PCDHA1: variants seen among roughly 807,000 people sequenced by gnomAD.
PCDHA1 encodes the protein protocadherin alpha 1, also known as protocadherin alpha-1.
Under a neutral mutation model 61.3 loss-of-function variants are expected in PCDHA1, and 42 were observed. That is an observed-to-expected ratio of 0.69 (90% CI 0.54 to 0.89). The LOEUF is 0.89. Ranked by LOEUF, PCDHA1 falls within the 40% of genes least tolerant of loss-of-function variation. PCDHA1 has a pLI of 0.00. For missense variants in PCDHA1, 1,256 were observed against 1,235.3 expected (o/e 1.02, Z -0.25); for synonymous variants, 610 against 553.8 (o/e 1.10, Z -1.43).
chr5:140,941,256 T>TTTC (rs2092982969), intron 1 of PCDHA1, among the ~76,000 whole-genome samples: 1 of 45,974 alleles, frequency 2.2e-5, no homozygotes, highest in African/African-American at 7.5e-5. Flanking sequence ...TCTTTCTTTC[T>TTTC]CTTTCTTTCT....
intron 1 of PCDHA1, among the ~76,000 whole-genome samples, chr5:140,880,837 A>G (rs2058501881): frequency 1.3e-5 from 2 of 152,230 alleles, no homozygotes; most frequent in African/African-American, 4.8e-5. Flanking sequence ...CATATTTTAA[A>G]TGGTTGACTA....
intron 1 of PCDHA1, among the ~76,000 whole-genome samples, chr5:140,879,977 C>T (rs1285167233): frequency 6.6e-6 from 1 of 152,174 alleles, no homozygotes; most frequent in African/African-American, 2.4e-5. Flanking sequence ...AAACTCCTTT[C>T]AAGATCCTTA....
At chr5:140,927,964 G>A in intron 1 of PCDHA1, 1 of 1,614,230 alleles carries the variant, frequency 6.2e-7, no homozygotes, top group South Asian at 1.1e-5. Context: ...CCCTGGCACA[G>A]TGATTGCTCT....
intron 1 of PCDHA1, among the ~76,000 whole-genome samples, chr5:140,891,620 C>T (rs1194351903): frequency 6.6e-6 from 1 of 152,122 alleles, no homozygotes; most frequent in African/African-American, 2.4e-5. Flanking sequence ...TTTATTTTAA[C>T]ACCTTTTGCT....
At chr5:140,855,950 C>G (rs1468443604) in intron 1 of PCDHA1, 1 of 1,363,922 alleles carries the variant, frequency 7.3e-7, no homozygotes, top group Non-Finnish European at 1.0e-6. Flanking sequence ...TCAGCCATTT[C>G]GATAAAAAAT....
intron 1 of PCDHA1, chr5:140,835,997 C>A: frequency 6.2e-7 from 1 of 1,613,306 alleles, no homozygotes; most frequent in Non-Finnish European, 8.5e-7. Context: ...TGAGCGCGCG[C>A]GATGCGGGCG....
intron 1 of PCDHA1, chr5:140,808,504 C>T: frequency 6.2e-7 from 1 of 1,614,146 alleles, no homozygotes; most frequent in Non-Finnish European, 8.5e-7. Context: ...GGGCCACGGC[C>T]AGTGTTTCTG....
chr5:141,009,573 G>T, intron 3 of PCDHA1, 54 bp from the exon 4 acceptor site: 2 of 1,580,662 alleles, frequency 1.3e-6, no homozygotes, highest in South Asian at 1.2e-5. Context: ...CAGCAGTGTG[G>T]CATCAAGAGC....
chr5:140,788,896 C>A (rs1374669605), intron 1 of PCDHA1: 9 of 1,246,744 alleles, frequency 7.2e-6, no homozygotes, highest in Non-Finnish European at 9.4e-6. Context: ...TGTCGTATTT[C>A]TTGATTTAAA....
At chr5:140,849,606 C>A (rs2150442387) in intron 1 of PCDHA1, 1 of 1,598,692 alleles carries the variant, frequency 6.3e-7, no homozygotes, top group East Asian at 2.2e-5. Context: ...AGTTATTGCC[C>A]TGATTAGTGT....
At chr5:141,002,232 A>G (rs2098067070) in intron 3 of PCDHA1, among the ~76,000 whole-genome samples, 2 of 152,226 alleles carry the variant, frequency 1.3e-5, no homozygotes, top group African/African-American at 4.8e-5. Flanking sequence ...GTTTTCTGGA[A>G]GCTCTTTATT....
intron 1 of PCDHA1, chr5:140,857,828 C>G (rs781917564): frequency 6.3e-7 from 1 of 1,597,660 alleles, no homozygotes; most frequent in South Asian, 1.1e-5. Flanking sequence ...GGCTAAGGTG[C>G]GCGCAGTGGA....
At chr5:140,915,826 T>G (rs1432367192) in intron 1 of PCDHA1, among the ~76,000 whole-genome samples, 1 of 152,134 alleles carries the variant, frequency 6.6e-6, no homozygotes, top group Non-Finnish European at 1.5e-5. Context: ...GCCCTAGGGC[T>G]CTAAGATCAG....
intron 1 of PCDHA1, among the ~76,000 whole-genome samples, chr5:140,941,207 CT>C (rs880001940): frequency 0.13 from 13,079 of 103,138 alleles, 665 homozygotes; most frequent in African/African-American, 0.21. Context: ...TTCTTCCTTT[CT>C]TTCTTCCTTT....
Position 140,914,628 on chromosome 5 carries a change from G to A in PCDHA1, c.2395-64321G>A, listed in dbSNP as rs540654869. 1.3e-4 allele frequency among the ~76,000 whole-genome samples: 19 copies of A among 151,834 alleles called. No homozygotes were observed. The South Asian group carries it at 1.7e-3, about 13-fold the overall frequency. ...CTGCCATTTTGTAATTTGTTTTCTC[G>A]TGGTTTCATGGTCATCTCTCCCTTC... is the stretch of plus-strand genomic sequence containing the variant. On this transcript the variant is annotated intron_variant, in intron 1 of 3. Transcript: ENST00000504120.
chr5:140,923,459 G>T (rs549692824), intron 1 of PCDHA1, among the ~76,000 whole-genome samples: 6 of 152,192 alleles, frequency 3.9e-5, no homozygotes, highest in Admixed American at 3.9e-4. Flanking sequence ...GCCCAGAGAG[G>T]TAGGGGCTGC....
At chr5:141,001,216 G>A (rs938133871) in intron 3 of PCDHA1, among the ~76,000 whole-genome samples, 3 of 152,082 alleles carry the variant, frequency 2.0e-5, no homozygotes, top group African/African-American at 7.2e-5. Context: ...GCTGTATAAG[G>A]ATAGTTACAT....
intron 1 of PCDHA1, chr5:140,813,574 G>A (rs1765337432): frequency 6.6e-6 from 1 of 152,206 alleles, no homozygotes; most frequent in Non-Finnish European, 1.5e-5. Context: ...AGACTGCGGG[G>A]CTGGAAATTT....
chr5:140,822,352 C>G, intron 1 of PCDHA1: 1 of 1,614,074 alleles, frequency 6.2e-7, no homozygotes, highest in South Asian at 1.1e-5. Context: ...CTTTTTAGAG[C>G]TGGTTTTGAG....
Sources: gnomAD v4.1 joint callset for allele counts (sites outside exome capture counted in the v4.1 genomes callset) on GRCh38, gnomAD v4.1.1 for gene constraint, MANE v1.5 for transcripts, NCBI Gene and HGNC (gene_info 2026-07-23, HGNC 2026-07-21) for gene names.